FOXP2: variants seen among roughly 807,000 people sequenced by gnomAD.
The protein encoded by FOXP2 is forkhead box protein P2.
In FOXP2, 12 loss-of-function variants were observed where a neutral mutation model predicts 115.8. The observed-to-expected ratio is 0.10, with a 90% CI of 0.07 to 0.17. FOXP2 has a LOEUF of 0.17. FOXP2 is among the 10% of genes least tolerant of loss of function. The pLI is 1.00. For missense variants in FOXP2, 629 were observed against 843.5 expected, an observed-to-expected ratio of 0.75 and a Z score of 3.15; for synonymous variants, 328 against 297.7, an observed-to-expected ratio of 1.10 and a Z score of -1.05.
intron 10 of FOXP2, chr7:114,656,406 T>C (rs1321724432): frequency 3.2e-6 from 1 of 317,380 alleles, no homozygotes; most frequent in South Asian, 2.4e-5. Flanking sequence ...AAATATAACA[T>C]TGTTATGTAT....
At chr7:114,402,117 G>C (rs1413841735) in intron 2 of FOXP2, among the ~76,000 whole-genome samples, 1 of 152,068 alleles carries the variant, frequency 6.6e-6, no homozygotes, top group Admixed American at 6.6e-5. Context: ...GCAAGACTCT[G>C]TCTCCAAAAA....
chr7:114,211,052 G>A lies in FOXP2; in HGVS notation c.-102+47964G>A, dbSNP rs11764391. ...AGATGATGGCCACTCCTCCCTCTGG[G>A]AACTCGGACCCGCCTCAGGCAGATT... On this transcript the variant is annotated intron_variant, in intron 1 of 17. Coordinates refer to the FOXP2 transcript ENST00000634411. Among the ~76,000 whole-genome samples the A allele has an allele frequency of 1.6e-3, 247 of 152,292 alleles. 1 individual carries two copies. The highest frequency in any genetic ancestry group is 2.8e-3 in the Non-Finnish European group (192 of 68,020).
In FOXP2 at chr7:114,692,886, T is replaced by C. The variant is rs1314736206; in HGVS notation, c.*2960T>C. 2.2e-6 allele frequency: 1 copy of C among 454,166 alleles called. No individual in the cohort carries two copies. Among genetic ancestry groups the C allele is most frequent in the Middle Eastern group, 6.9e-4 (1 of 1,440 alleles). The allele number at this position is 454,166 out of a possible 1,614,324, so 28.1% of individuals were successfully genotyped here. On this transcript the variant is annotated 3_prime_UTR_variant, in exon 17 of 17. Coordinates refer to ENST00000350908, the MANE Select transcript of FOXP2 (RefSeq NM_014491.4). ...TTTTCATTACTGTGTACTATGTTCATACTTTGAATTCTCTGACGTTAGAAG... is the reference window on the plus strand; with the variant it reads ...TTTTCATTACTGTGTACTATGTTCACACTTTGAATTCTCTGACGTTAGAAG...
At chr7:114,586,368 G>T (rs1802128996) in intron 3 of FOXP2, among the ~76,000 whole-genome samples, 1 of 152,040 alleles carries the variant, frequency 6.6e-6, no homozygotes, top group South Asian at 2.1e-4. Flanking sequence ...ATGTAGGAAG[G>T]ATAAAATATT....
At chr7:114,174,916 T>C (rs1229672538) in intron 1 of FOXP2, among the ~76,000 whole-genome samples, 1 of 152,132 alleles carries the variant, frequency 6.6e-6, no homozygotes, top group Non-Finnish European at 1.5e-5. Flanking sequence ...GCTGTTACTA[T>C]CCTAAGAAAG....
At chr7:114,431,538 G>GTT (rs1794111174) in intron 2 of FOXP2, among the ~76,000 whole-genome samples, 1 of 151,910 alleles carries the variant, frequency 6.6e-6, no homozygotes. Flanking sequence ...AATTTAGATA[G>GTT]TAACGGCTGG....
intron 3 of FOXP2, among the ~76,000 whole-genome samples, chr7:114,610,676 G>GTT (rs147621208): frequency 1.4e-5 from 2 of 147,572 alleles, no homozygotes; most frequent in African/African-American, 4.9e-5. Context: ...TTCAATTTGT[G>GTT]TTTTTTTTTT....
chr7:114,561,077 C>T (rs1800735921), intron 3 of FOXP2: 1 of 152,162 alleles, frequency 6.6e-6, no homozygotes, highest in African/African-American at 2.4e-5. Context: ...AAATCAAGTT[C>T]TTGGGAGAGG....
At chr7:114,371,376 G>A (rs577834728) in intron 2 of FOXP2, among the ~76,000 whole-genome samples, 29 of 151,640 alleles carry the variant, frequency 1.9e-4, no homozygotes, top group Non-Finnish European at 3.4e-4. Flanking sequence ...ATGAGCCACC[G>A]CACCTGGCCA....
At chr7:114,497,665 GTAAA>G (rs3028216) in intron 2 of FOXP2, among the ~76,000 whole-genome samples, 72,877 of 145,330 alleles carry the variant, frequency 0.5, 18,440 homozygotes, top group Admixed American at 0.52. Context: ...AAATAAATAA[GTAAA>G]TAAATAAATA....
chr7:114,223,993 A>G (rs1049935505), intron 1 of FOXP2, among the ~76,000 whole-genome samples: 1 of 152,066 alleles, frequency 6.6e-6, no homozygotes, highest in African/African-American at 2.4e-5. Flanking sequence ...AGTCTTCATT[A>G]CATTGAGAAT....
intron 1 of FOXP2, among the ~76,000 whole-genome samples, chr7:114,248,822 A>G (rs1795357932): frequency 6.6e-6 from 1 of 152,210 alleles, no homozygotes; most frequent in South Asian, 2.1e-4. Context: ...TCCTCACAAC[A>G]GCCAAATGAG....
chr7:114,419,437 T>C (rs781775970), intron 1 of FOXP2, among the ~76,000 whole-genome samples: 4 of 151,904 alleles, frequency 2.6e-5, no homozygotes, highest in Admixed American at 6.6e-5. Flanking sequence ...CAGGTGTTTT[T>C]GGAGTAGGTC....
At chr7:114,647,665 A>G (rs1584990179) in intron 8 of FOXP2, among the ~76,000 whole-genome samples, 1 of 152,026 alleles carries the variant, frequency 6.6e-6, no homozygotes, top group African/African-American at 2.4e-5. Context: ...CTAGATCACT[A>G]AAAGCATTTA....
chr7:114,646,819 G>T (rs1195966368), intron 8 of FOXP2, among the ~76,000 whole-genome samples: 1 of 151,642 alleles, frequency 6.6e-6, no homozygotes, highest in African/African-American at 2.4e-5. Flanking sequence ...AATTAACTTC[G>T]GTTATTCAAA....
intron 2 of FOXP2, among the ~76,000 whole-genome samples, chr7:114,359,914 C>T (rs1791705397): frequency 6.6e-6 from 1 of 152,010 alleles, no homozygotes; most frequent in Non-Finnish European, 1.5e-5. Context: ...TGAGTTAAGG[C>T]TTTAGGGGAC....
Position 114,123,845 on chromosome 7 carries a change from C to G in FOXP2, c.-247+36007C>G, listed in dbSNP as rs542352620. Among the ~76,000 whole-genome samples, 4 of 152,096 alleles carry G rather than the reference C, an allele frequency of 2.6e-5. No individual in the cohort carries two copies. In the South Asian group the frequency reaches 8.3e-4, roughly 32 times the overall value. ...AAGCATTTGGGTTTTCTACCATACA[C>G]AGCATTTTCTTATTAAGTAGAATTT... On this transcript the variant is annotated intron_variant, in intron 1 of 19. Transcript: ENST00000635638.
intron 1 of FOXP2, among the ~76,000 whole-genome samples, chr7:114,237,696 G>T (rs1795046852): frequency 6.6e-6 from 1 of 151,614 alleles, no homozygotes; most frequent in South Asian, 2.1e-4. Context: ...ATTTTAGGCA[G>T]GGCTCAGAGC....
At chr7:114,224,460 C>A (rs569216304) in intron 1 of FOXP2, among the ~76,000 whole-genome samples, 2 of 152,106 alleles carry the variant, frequency 1.3e-5, no homozygotes, top group African/African-American at 4.8e-5. Flanking sequence ...TGACTGTGTA[C>A]AAATTTCTAG....
Sources: allele counts gnomAD v4.1 joint callset (sites outside exome capture counted in the v4.1 genomes callset), GRCh38; gene constraint gnomAD v4.1.1; transcripts MANE v1.5; gene names NCBI Gene and HGNC (gene_info 2026-07-23, HGNC 2026-07-21).